Variants in PARD3 observed in about 807,000 individuals in gnomAD.
PARD3 encodes the protein par-3 family cell polarity regulator.
A neutral mutation model predicts 155.4 loss-of-function variants in PARD3; 75 were observed. The ratio of observed to expected loss-of-function variants is 0.48; its 90% CI spans 0.40 to 0.58. The LOEUF is 0.58. Among genes scored for constraint, PARD3 ranks in the 20% least tolerant of loss-of-function variants. PARD3 has a pLI of 0.00. For missense variants in PARD3, 1,642 were observed against 1,721.7 expected (o/e 0.95, Z 0.82); for synonymous variants, 576 against 610.5 (o/e 0.94, Z 0.83).
At chr10:34,668,364 C>A (rs575998302) in intron 2 of PARD3, among the ~76,000 whole-genome samples, 1 of 152,310 alleles carries the variant, frequency 6.6e-6, no homozygotes, top group South Asian at 2.1e-4. Flanking sequence ...TTTGTGGGTG[C>A]TCTCTACCTG....
chr10:34,645,442 G>A (rs1387222061), intron 2 of PARD3, among the ~76,000 whole-genome samples: 2 of 152,084 alleles, frequency 1.3e-5, no homozygotes, highest in Non-Finnish European at 2.9e-5. Flanking sequence ...CTGACGTCAA[G>A]TGATCCACCT....
chr10:34,522,125 T>C (rs2082184146), intron 2 of PARD3, among the ~76,000 whole-genome samples: 1 of 152,156 alleles, frequency 6.6e-6, no homozygotes, highest in South Asian at 2.1e-4. Flanking sequence ...ATGGAAAGAT[T>C]ATCCTTCATT....
intron 2 of PARD3, among the ~76,000 whole-genome samples, chr10:34,610,406 T>G (rs1564413496): frequency 6.6e-6 from 1 of 152,202 alleles, no homozygotes; most frequent in Non-Finnish European, 1.5e-5. Flanking sequence ...ATGCCAGTAC[T>G]CATCAAGAAT....
At chr10:34,152,236 CA>C (rs1948813829) in intron 22 of PARD3, among the ~76,000 whole-genome samples, 1 of 152,188 alleles carries the variant, frequency 6.6e-6, no homozygotes, top group African/African-American at 2.4e-5. Context: ...CTTAGAACTA[CA>C]GTCTTGCATT....
chr10:34,780,861 A>AGG (rs1247619382), intron 1 of PARD3, among the ~76,000 whole-genome samples: 1 of 152,202 alleles, frequency 6.6e-6, no homozygotes, highest in African/African-American at 2.4e-5. Flanking sequence ...AAATGCTGAA[A>AGG]ACTAACATTC....
intron 19 of PARD3, among the ~76,000 whole-genome samples, chr10:34,317,679 T>A (rs951883296): frequency 2.6e-5 from 4 of 152,180 alleles, no homozygotes; most frequent in African/African-American, 7.2e-5. Context: ...CCTCTAAGGG[T>A]CCCGTGTACT....
chr10:34,460,606 G>T (rs2077583305), intron 4 of PARD3, among the ~76,000 whole-genome samples: 1 of 152,076 alleles, frequency 6.6e-6, no homozygotes, highest in Non-Finnish European at 1.5e-5. Flanking sequence ...GGCCGAGGCG[G>T]GTGGATAACG....
chr10:34,612,380 G>A lies in PARD3; in HGVS notation c.222+83938C>T, dbSNP rs1216317086. ...CCTATCAGAGAGAAATTATTCTTTA[G>A]GAAGAGGACAACCATTTTGTTTTTA... On this transcript the variant is annotated intron_variant, in intron 2 of 24. Coordinates refer to ENST00000374788, the MANE Select transcript of PARD3 (RefSeq NM_001184785.2). Among the ~76,000 whole-genome samples, 3 of 152,122 alleles carry A rather than the reference G, an allele frequency of 2.0e-5. No homozygotes were observed. The East Asian group carries it at 5.8e-4, about 29-fold the overall frequency.
chr10:34,273,594 C>A (rs891662837), intron 21 of PARD3, among the ~76,000 whole-genome samples: 1 of 152,152 alleles, frequency 6.6e-6, no homozygotes, highest in Admixed American at 6.5e-5. Flanking sequence ...TATACCAATG[C>A]GAATTTCCTG....
At chr10:34,781,556 T>C (rs556685386) in intron 1 of PARD3, among the ~76,000 whole-genome samples, 2 of 152,230 alleles carry the variant, frequency 1.3e-5, no homozygotes, top group Non-Finnish European at 2.9e-5. Flanking sequence ...TATGGTTCTG[T>C]ATGAATGGTA....
intron 22 of PARD3, among the ~76,000 whole-genome samples, chr10:34,242,378 T>C (rs1588905698): frequency 6.6e-6 from 1 of 151,966 alleles, no homozygotes; most frequent in East Asian, 1.9e-4. Context: ...GGTGTCCAAA[T>C]CCATATCACA....
chr10:34,805,840 G>A (rs904535381), intron 1 of PARD3, among the ~76,000 whole-genome samples: 23 of 151,916 alleles, frequency 1.5e-4, no homozygotes, highest in African/African-American at 5.3e-4. Context: ...AGCCAGGCGT[G>A]GTGGTGGGCA....
At chr10:34,316,026 ATCTATACC>A (rs1445249703) in intron 20 of PARD3, among the ~76,000 whole-genome samples, 1 of 152,208 alleles carries the variant, frequency 6.6e-6, no homozygotes, top group African/African-American at 2.4e-5. Context: ...GGTCTGACTT[ATCTATACC>A]TCCCTGAGTT....
intron 22 of PARD3, among the ~76,000 whole-genome samples, chr10:34,203,189 CTCTGTT>C (rs1309787896): frequency 2.0e-5 from 3 of 152,144 alleles, no homozygotes; most frequent in African/African-American, 4.8e-5. Flanking sequence ...AGAGAGAGAG[CTCTGTT>C]TCTATTTGCC....
intron 3 of PARD3, among the ~76,000 whole-genome samples, chr10:34,513,253 T>A (rs1481602019): frequency 6.6e-6 from 1 of 152,158 alleles, no homozygotes; most frequent in Non-Finnish European, 1.5e-5. Flanking sequence ...ACTTCCTCCA[T>A]CCTATTCTCT....
chr10:34,372,039 C>G (rs1249144885), intron 12 of PARD3, among the ~76,000 whole-genome samples: 1 of 152,136 alleles, frequency 6.6e-6, no homozygotes, highest in Non-Finnish European at 1.5e-5. Context: ...GTTATTCTAA[C>G]AACTATGCTT....
chr10:34,792,174 C>G (rs1841726867), intron 1 of PARD3, among the ~76,000 whole-genome samples: 1 of 152,182 alleles, frequency 6.6e-6, no homozygotes, highest in Non-Finnish European at 1.5e-5. Context: ...CGCCCACGTG[C>G]TCTTTGCGGA....
At chr10:34,360,612 G>A (rs1380644771) in intron 12 of PARD3, among the ~76,000 whole-genome samples, 1 of 152,080 alleles carries the variant, frequency 6.6e-6, no homozygotes, top group Non-Finnish European at 1.5e-5. Context: ...CAGTAACAAT[G>A]GGAGTAAAAA....
At chr10:34,661,859 T>G (rs1234163555) in intron 2 of PARD3, among the ~76,000 whole-genome samples, 1 of 152,210 alleles carries the variant, frequency 6.6e-6, no homozygotes, top group East Asian at 1.9e-4. Flanking sequence ...GTGGGGCATT[T>G]TATCCAATCA....
Sources: gnomAD v4.1 joint callset for allele counts (sites outside exome capture counted in the v4.1 genomes callset) on GRCh38, gnomAD v4.1.1 for gene constraint, MANE v1.5 for transcripts, NCBI Gene and HGNC (gene_info 2026-07-23, HGNC 2026-07-21) for gene names.